LUZP1: variants seen among roughly 807,000 people sequenced by gnomAD.
LUZP1 encodes the protein filamin mechanobinding actin cross-linking protein.
Under a neutral mutation model 71.3 loss-of-function variants are expected in LUZP1, and 25 were observed. That is an observed-to-expected ratio of 0.35 (90% CI 0.26 to 0.49). The LOEUF is 0.49. LUZP1 is among the 20% of genes least tolerant of loss of function. LUZP1 has a pLI of 0.99. For synonymous variants in LUZP1, 481 were observed against 506.4 expected (o/e 0.95, Z 0.67); for missense variants, 1,142 against 1,300.8 (o/e 0.88, Z 1.88).
At chr1:23,164,602 C>T (rs1644495650) in intron 2 of LUZP1, among the ~76,000 whole-genome samples, 1 of 152,094 alleles carries the variant, frequency 6.6e-6, no homozygotes, top group Admixed American at 6.5e-5. Context: ...AGCACAGGTT[C>T]CAGGCATTTT....
intron 2 of LUZP1, among the ~76,000 whole-genome samples, chr1:23,117,130 C>T (rs1644085509): frequency 1.3e-5 from 2 of 152,150 alleles, no homozygotes; most frequent in African/African-American, 4.8e-5. Flanking sequence ...TAGGGAATTT[C>T]CCTTTGTCTC....
intron 2 of LUZP1, among the ~76,000 whole-genome samples, chr1:23,133,152 A>G (rs1644227749): frequency 6.6e-6 from 1 of 152,250 alleles, no homozygotes; most frequent in African/African-American, 2.4e-5. Flanking sequence ...TTTCAGCCTT[A>G]TCCTCCCAAG....
chr1:23,160,283 A>G (rs1644454117), intron 2 of LUZP1, among the ~76,000 whole-genome samples: 1 of 152,238 alleles, frequency 6.6e-6, no homozygotes, highest in African/African-American at 2.4e-5. Context: ...AGCAGATTTA[A>G]TTGGCTCAAG....
chr1:23,142,277 AACC>A (rs1474785836), intron 2 of LUZP1, among the ~76,000 whole-genome samples: 9 of 152,076 alleles, frequency 5.9e-5, no homozygotes, highest in Non-Finnish European at 8.8e-5. Flanking sequence ...TACAGGCATA[AACC>A]ACCACACCTA....
At position 23,093,483 on chromosome 1, in the gene LUZP1, C is replaced by G. The variant is rs1232568675; in HGVS notation, c.779G>C (p.Gly260Ala). ...CTCTACCTGCTTTAGGTAGTCCAGA[C>G]CACCCTTCCTTCTTGATTCTTTGGA... Residue 260 changes from glycine to alanine, a missense_variant, in exon 4 of 5, where the codon GGT becomes GCT. Gly to Ala is a moderately conservative substitution (Grantham distance 60, BLOSUM62 0). Transcript: ENST00000302291. The surrounding 1 kb of genome is among the most constrained non-coding windows in gnomAD (Gnocchi z 4.2). 6.2e-7 allele frequency: 1 copy of G among 1,612,692 alleles called. No homozygotes were observed. Among genetic ancestry groups the G allele is most frequent in the South Asian group, 1.1e-5 (1 of 90,446 alleles).
At chr1:23,131,905 C>G (rs1429682432) in intron 2 of LUZP1, among the ~76,000 whole-genome samples, 1 of 152,150 alleles carries the variant, frequency 6.6e-6, no homozygotes, top group Non-Finnish European at 1.5e-5. Flanking sequence ...AGGCTAGTCT[C>G]GAACTCCTGA....
chr1:23,168,381 C>G (rs1441003116), intron 2 of LUZP1, among the ~76,000 whole-genome samples: 2 of 131,478 alleles, frequency 1.5e-5, no homozygotes, highest in Admixed American at 1.5e-4. Flanking sequence ...CCAAACTCTA[C>G]CCCCGAAACT....
intron 2 of LUZP1, among the ~76,000 whole-genome samples, chr1:23,114,049 GA>G (rs1347933205): frequency 6.6e-6 from 1 of 152,002 alleles, no homozygotes; most frequent in Non-Finnish European, 1.5e-5. Flanking sequence ...GATGACAGAG[GA>G]AAGAGTCAGT....
chr1:23,146,678 C>T (rs1380634179), intron 2 of LUZP1, among the ~76,000 whole-genome samples: 1 of 152,088 alleles, frequency 6.6e-6, no homozygotes, highest in African/African-American at 2.4e-5. Context: ...CGCCTACAGT[C>T]CCAGCTACTT....
chr1:23,119,221 AT>A (rs1408389830), intron 2 of LUZP1, among the ~76,000 whole-genome samples: 2 of 111,910 alleles, frequency 1.8e-5, no homozygotes, highest in Non-Finnish European at 1.9e-5. Context: ...AACAGTCAAC[AT>A]TTTTTTTAAC....
Position 23,175,247 on chromosome 1 carries a change from T to C in LUZP1, c.-485+2244A>G, listed in dbSNP as rs550214557. Among the ~76,000 whole-genome samples the C allele has an allele frequency of 1.1e-4, 16 of 152,334 alleles. No homozygotes were observed. The South Asian group carries it at 3.3e-3, about 32-fold the overall frequency. On this transcript the variant is annotated intron_variant, in intron 1 of 4. Transcript: ENST00000302291. ...ACTGTATTCCAAAGCAAATAAGCTA[T>C]GCACTCAGGCAGCCATTATTGGCTG...
intron 2 of LUZP1, among the ~76,000 whole-genome samples, chr1:23,122,833 A>C (rs1207522390): frequency 6.6e-6 from 1 of 152,202 alleles, no homozygotes. Flanking sequence ...TGCTATGAAC[A>C]CAGTAAAAGA....
intron 2 of LUZP1, among the ~76,000 whole-genome samples, chr1:23,122,185 T>C (rs901878354): frequency 1.2e-4 from 18 of 152,128 alleles, no homozygotes; most frequent in African/African-American, 4.1e-4. Context: ...CTCAATAAAG[T>C]TGTGCTGAAT....
chr1:23,123,091 C>A (rs896036463), intron 2 of LUZP1, among the ~76,000 whole-genome samples: 1 of 152,324 alleles, frequency 6.6e-6, no homozygotes, highest in South Asian at 2.1e-4. Flanking sequence ...AGCATAAGGA[C>A]AAATGGTGTC....
intron 2 of LUZP1, among the ~76,000 whole-genome samples, chr1:23,133,176 G>C (rs553453146): frequency 6.6e-6 from 1 of 152,334 alleles, no homozygotes; most frequent in Non-Finnish European, 1.5e-5. Context: ...ATAAGTCTAT[G>C]ATGGGAAACT....
exon 5 of LUZP1, chr1:23,088,391 A>T (rs1389826615): frequency 6.5e-6 from 1 of 152,972 alleles, no homozygotes; most frequent in Admixed American, 6.5e-5. Context: ...CCAAGGGGAA[A>T]GAAATGAAAG....
intron 2 of LUZP1, among the ~76,000 whole-genome samples, chr1:23,161,745 C>T (rs1644467958): frequency 6.6e-6 from 1 of 152,054 alleles, no homozygotes; most frequent in South Asian, 2.1e-4. Flanking sequence ...CTGAAATGGC[C>T]AGGCACAGTG....
At chr1:23,162,349 G>GA (rs558426763) in intron 2 of LUZP1, among the ~76,000 whole-genome samples, 2 of 151,450 alleles carry the variant, frequency 1.3e-5, no homozygotes, top group African/African-American at 2.4e-5. Flanking sequence ...CAGTTTGTGG[G>GA]AAAAAAACAT....
chr1:23,160,742 G>C (rs56221187), intron 2 of LUZP1, among the ~76,000 whole-genome samples: 5,229 of 152,298 alleles, frequency 0.034, 129 homozygotes, highest in South Asian at 0.055. Flanking sequence ...AACAGCTTCT[G>C]ATCGAGAAGC....
Sources: gnomAD v4.1 joint callset for allele counts (sites outside exome capture counted in the v4.1 genomes callset) on GRCh38, gnomAD v4.1.1 for gene constraint, Gnocchi (gnomAD v3.1) non-coding constraint, MANE v1.5 for transcripts, NCBI Gene and HGNC (gene_info 2026-07-23, HGNC 2026-07-21) for gene names.